The following AFMID variants were observed in gnomAD, a reference collection of about 807,000 sequenced individuals.
The protein encoded by AFMID is kynurenine formamidase.
AFMID carries 39 observed loss-of-function variants against 47.5 expected under a neutral mutation model. The observed-to-expected ratio is 0.82, with a 90% CI of 0.64 to 1.07. The LOEUF is 1.07. AFMID is among the 50% of genes least tolerant of loss of function. The probability of loss-of-function intolerance (pLI) is 0.00; values close to 1 mark genes in which losing one functional copy is unlikely to be tolerated. For synonymous variants in AFMID, 130 were observed against 153.2 expected (o/e 0.85, Z 1.12); for missense variants, 375 against 387.5 (o/e 0.97, Z 0.27).
intron 10 of AFMID, 141 bp downstream of exon 10, chr17:78,206,191 T>G: frequency 3.0e-6 from 2 of 676,538 alleles, no homozygotes; most frequent in Admixed American, 2.4e-5. Context: ...CAAAACAAAT[T>G]AGCCAGATGT....
chr17:78,202,390 C>T (rs1160529602), intron 2 of AFMID, 109 bp from the exon 3 acceptor site: 19 of 1,067,952 alleles, frequency 1.8e-5, no homozygotes, highest in Non-Finnish European at 2.5e-5. Context: ...GATCGCGCCA[C>T]TGCACTCCAG....
intron 2 of AFMID, among the ~76,000 whole-genome samples, chr17:78,201,681 G>GA (rs1317475858): frequency 1.3e-5 from 2 of 152,070 alleles, no homozygotes; most frequent in African/African-American, 4.8e-5. Flanking sequence ...AAGTCGTGCT[G>GA]AAAAGGGTCC....
chr17:78,193,550 G>GA lies in AFMID; in HGVS notation c.154+2502dup, dbSNP rs541224206. Among the ~76,000 whole-genome samples, 744 of 137,772 alleles carry GA rather than the reference G, an allele frequency of 5.4e-3. 8 individuals are homozygous for GA. Among genetic ancestry groups the GA allele is most frequent in the South Asian group, 0.027 (116 of 4,350 alleles). 90.4% of individuals were successfully genotyped at this position (137,772 alleles called of 152,430 possible). A position where few individuals can be genotyped will look rare whatever the true frequency, so the allele number is the denominator to read the frequency against. Reference sequence around the variant, plus strand: ...AAATTAAAAGGAAAGGATTAAAAAGGAAAAAAAAAAAAGAGGCCAGGAACT... The same window carrying GA: ...AAATTAAAAGGAAAGGATTAAAAAGGAAAAAAAAAAAAAGAGGCCAGGAACT... On this transcript the variant is annotated intron_variant, in intron 2 of 10. Coordinates refer to ENST00000409257, the MANE Select transcript of AFMID (RefSeq NM_001010982.5).
Position 78,190,880 on chromosome 17 carries a change from C to T in AFMID, c.64-90C>T, listed in dbSNP as rs1177617764. 3.4e-6 allele frequency: 4 copies of T among 1,161,480 alleles called. No individual in the cohort carries two copies. In the Admixed American group the frequency reaches 8.1e-5, roughly 24 times the overall value. The allele number at this position is 1,161,480 out of a possible 1,614,324, so 71.9% of individuals were successfully genotyped here. A position where few individuals can be genotyped will look rare whatever the true frequency, so the allele number is the denominator to read the frequency against. ...GATACTGGGGCGAGGGCTTCTAAGGCAGAGAGGAGCAGCCGGGCATGGGCG... is the reference window on the plus strand; with the variant it reads ...GATACTGGGGCGAGGGCTTCTAAGGTAGAGAGGAGCAGCCGGGCATGGGCG... On this transcript the variant is annotated intron_variant, in intron 1 of 10. Coordinates refer to ENST00000409257, the MANE Select transcript of AFMID (RefSeq NM_001010982.5).
At chr17:78,205,844 AC>A (rs2076366605) in intron 9 of AFMID, 101 bp from the exon 10 acceptor site, 1 of 1,594,492 alleles carries the variant, frequency 6.3e-7, no homozygotes, top group Middle Eastern at 1.7e-4. Flanking sequence ...TTTATTTAAC[AC>A]GTACTGAGTG....
At chr17:78,197,801 A>G (rs1005398114) in intron 2 of AFMID, among the ~76,000 whole-genome samples, 1 of 152,006 alleles carries the variant, frequency 6.6e-6, no homozygotes, top group Non-Finnish European at 1.5e-5. Context: ...GGGGGCATCC[A>G]AGGATTTCCT....
intron 2 of AFMID, among the ~76,000 whole-genome samples, chr17:78,193,441 A>G (rs1192643767): frequency 4.7e-5 from 7 of 149,608 alleles, no homozygotes; most frequent in African/African-American, 1.7e-4. Flanking sequence ...GTCTTGAGTG[A>G]TAAAAAGAGC....
chr17:78,195,215 G>A (rs2076080606), intron 2 of AFMID, among the ~76,000 whole-genome samples: 1 of 151,744 alleles, frequency 6.6e-6, no homozygotes, highest in African/African-American at 2.4e-5. Flanking sequence ...TTTTGAGACA[G>A]GGAGAGTCTC....
intron 2 of AFMID, among the ~76,000 whole-genome samples, chr17:78,193,398 AGC>A (rs2076027096): frequency 7.1e-6 from 1 of 140,202 alleles, no homozygotes; most frequent in African/African-American, 2.8e-5. Flanking sequence ...AAAAAAAAAA[AGC>A]TGTAAGCAAA....
intron 10 of AFMID, 137 bp from the exon 11 acceptor site, chr17:78,206,774 T>G: frequency 2.6e-6 from 2 of 770,268 alleles, no homozygotes; most frequent in Non-Finnish European, 4.3e-6. Context: ...TCAAGTGATC[T>G]TCCCACCTCA....
intron 1 of AFMID, among the ~76,000 whole-genome samples, chr17:78,190,226 G>A (rs775843183): frequency 1.3e-5 from 2 of 151,112 alleles, no homozygotes; most frequent in African/African-American, 2.4e-5. Flanking sequence ...GACATTCACC[G>A]CCCCTCCTCC....
rs991019716 is a variant in AFMID at position 78,207,214 on chromosome 17, C to G, written c.*277C>G. The G allele has an allele frequency of 4.1e-6, 2 of 486,628 alleles. No homozygotes were observed. The highest frequency in any genetic ancestry group is 7.2e-6 in the Non-Finnish European group (2 of 276,506). The allele number at this position is 486,628 out of a possible 1,614,324, so 30.1% of individuals were successfully genotyped here. A position where few individuals can be genotyped will look rare whatever the true frequency, so the allele number is the denominator to read the frequency against. ...GGAGCTGCCTCTTAGACTCGTCTGGCCCATCTACCTGCTGACAGAGCATGA... is the reference window on the plus strand; with the variant it reads ...GGAGCTGCCTCTTAGACTCGTCTGGGCCATCTACCTGCTGACAGAGCATGA... On this transcript the variant is annotated 3_prime_UTR_variant, in exon 11 of 11. Coordinates refer to ENST00000409257, the MANE Select transcript of AFMID (RefSeq NM_001010982.5).
intron 2 of AFMID, among the ~76,000 whole-genome samples, chr17:78,199,676 CT>C (rs11340490): frequency 0.43 from 65,533 of 151,764 alleles, 16,005 homozygotes; most frequent in African/African-American, 0.66. Flanking sequence ...CCCGGCCAGG[CT>C]TTTTTTTCTC....
At chr17:78,205,566 C>G in intron 8 of AFMID, 37 bp from the exon 9 acceptor site, 1 of 1,613,966 alleles carries the variant, frequency 6.2e-7, no homozygotes, top group Middle Eastern at 1.6e-4. Flanking sequence ...GAGCCTGGCT[C>G]CTCTCTGTCC....
intron 2 of AFMID, among the ~76,000 whole-genome samples, chr17:78,196,972 A>G (rs1357513688): frequency 2.0e-5 from 3 of 152,140 alleles, no homozygotes; most frequent in African/African-American, 7.2e-5. Flanking sequence ...CCTCTCCTAG[A>G]GAGAGGCAAT....
intron 2 of AFMID, among the ~76,000 whole-genome samples, chr17:78,194,736 C>T (rs2076064140): frequency 6.6e-6 from 1 of 151,998 alleles, no homozygotes; most frequent in African/African-American, 2.4e-5. Context: ...TCTTGTTGTC[C>T]AGGCTTGGAG....
chr17:78,199,663 G>A (rs2009106), intron 2 of AFMID, among the ~76,000 whole-genome samples: 1 of 150,592 alleles, frequency 6.6e-6, no homozygotes. Flanking sequence ...GTGCGCCGCC[G>A]CGCCCGGCCA....
rs377093467 is a variant in AFMID at position 78,206,424 on chromosome 17, TC to T, written c.885+375del. 1.7e-4 allele frequency among the ~76,000 whole-genome samples: 26 copies of T among 151,600 alleles called. No individual in the cohort carries two copies. The East Asian group carries it at 4.5e-3, about 26-fold the overall frequency. The stretch of plus-strand genomic sequence containing the variant: ...CATCTTGTTTCTTTCTTTTTTTTTT[TC>T]TTTAGAGACAGGGTCTCCTCTCTTG... On this transcript the variant is annotated intron_variant, in intron 10 of 10. Coordinates refer to ENST00000409257, the MANE Select transcript of AFMID (RefSeq NM_001010982.5).
At chr17:78,191,259 AGAGGTCCGGGG>A (rs2075961009) in intron 2 of AFMID, among the ~76,000 whole-genome samples, 199 bp downstream of exon 2, 4 of 152,252 alleles carry the variant, frequency 2.6e-5, no homozygotes, top group Admixed American at 2.6e-4. Context: ...TGGAGGCAGG[AGAGGTCCGGGG>A]GAGGTCCACG....
Sources: gnomAD v4.1 joint callset for allele counts (sites outside exome capture counted in the v4.1 genomes callset) on GRCh38, gnomAD v4.1.1 for gene constraint, MANE v1.5 for transcripts, NCBI Gene and HGNC (gene_info 2026-07-23, HGNC 2026-07-21) for gene names.